Variants in CTNNA2 observed in about 807,000 individuals in gnomAD.
The protein encoded by CTNNA2 is catenin alpha 2.
In CTNNA2, 42 loss-of-function variants were observed where a neutral mutation model predicts 101.0. The observed-to-expected ratio is 0.42, with a 90% CI of 0.32 to 0.54. The LOEUF is 0.54. Ranked by LOEUF, CTNNA2 falls within the 20% of genes least tolerant of loss-of-function variation. The pLI is 0.14. For synonymous variants in CTNNA2, 450 were observed against 456.4 expected, an observed-to-expected ratio of 0.99 and a Z score of 0.18; for missense variants, 871 against 1,223.1, an observed-to-expected ratio of 0.71 and a Z score of 4.29.
chr2:80,537,010 A>T (rs1195369919), intron 9 of CTNNA2, among the ~76,000 whole-genome samples: 1 of 152,150 alleles, frequency 6.6e-6, no homozygotes, highest in Non-Finnish European at 1.5e-5. Context: ...GCACCCATCA[A>T]CCCATCATCT....
chr2:80,632,930 CAAAGAGA>C (rs1672452180), intron 18 of CTNNA2, among the ~76,000 whole-genome samples: 1 of 152,072 alleles, frequency 6.6e-6, no homozygotes, highest in Non-Finnish European at 1.5e-5. Context: ...AATAGAAACT[CAAAGAGA>C]TTACAGAGTG....
chr2:79,964,320 A>G (rs1296710049), intron 7 of CTNNA2, among the ~76,000 whole-genome samples: 2 of 152,172 alleles, frequency 1.3e-5, no homozygotes, highest in African/African-American at 4.8e-5. Context: ...GAGACAACCA[A>G]GGCTAATAGA....
intron 8 of CTNNA2, 35 bp downstream of exon 8, chr2:80,393,326 A>G: frequency 6.9e-7 from 1 of 1,450,512 alleles, no homozygotes; most frequent in Non-Finnish European, 9.6e-7. Flanking sequence ...AGTCCATGAT[A>G]TTCAGTAGTG....
intron 3 of CTNNA2, among the ~76,000 whole-genome samples, chr2:79,762,283 C>T (rs957700916): frequency 2.0e-5 from 3 of 152,136 alleles, no homozygotes; most frequent in African/African-American, 7.2e-5. Context: ...AGCTTCCAGT[C>T]TCAATTGACA....
At position 79,660,320 on chromosome 2, in the gene CTNNA2, T is replaced by G. The variant is rs143261251; in HGVS notation, c.102+8662T>G. ...ATATACATATGTATGTGTATATACA[T>G]ATGTATGTGTATGTATACTATACAT... is the stretch of plus-strand genomic sequence containing the variant. On this transcript the variant is annotated intron_variant, in intron 2 of 18. Coordinates refer to ENST00000402739, the MANE Select transcript of CTNNA2 (RefSeq NM_001282597.3). Among the ~76,000 whole-genome samples the G allele has an allele frequency of 4.7e-5, 7 of 150,534 alleles. No individual in the cohort carries two copies. In the East Asian group the frequency reaches 1.4e-3, roughly 29 times the overall value.
intron 9 of CTNNA2, among the ~76,000 whole-genome samples, chr2:80,420,044 A>C (rs918471451): frequency 1.4e-5 from 2 of 144,008 alleles, no homozygotes; most frequent in African/African-American, 5.6e-5. Context: ...GAAAAAAAAA[A>C]AAAAAAAAAA....
chr2:80,015,022 CAA>C (rs1437269034), intron 7 of CTNNA2, among the ~76,000 whole-genome samples: 1 of 152,088 alleles, frequency 6.6e-6, no homozygotes, highest in Non-Finnish European at 1.5e-5. Flanking sequence ...CAAACTGGAC[CAA>C]AAAGTTATTT....
intron 7 of CTNNA2, among the ~76,000 whole-genome samples, chr2:80,226,257 T>C (rs970409236): frequency 9.2e-5 from 14 of 152,212 alleles, no homozygotes; most frequent in African/African-American, 3.4e-4. Flanking sequence ...CTATGTTCAA[T>C]TAGACGAATA....
intron 1 of CTNNA2, among the ~76,000 whole-genome samples, chr2:79,572,688 G>T (rs776750252): frequency 6.6e-6 from 1 of 152,172 alleles, no homozygotes; most frequent in Non-Finnish European, 1.5e-5. Context: ...AGAGGTGGAG[G>T]TTGCAGTGAA....
chr2:79,637,921 G>A (rs1325977645), intron 1 of CTNNA2, among the ~76,000 whole-genome samples: 1 of 152,166 alleles, frequency 6.6e-6, no homozygotes. Flanking sequence ...ACAGCAGTGT[G>A]AATGTAGCAT....
intron 9 of CTNNA2, among the ~76,000 whole-genome samples, chr2:80,497,913 T>C (rs1687592481): frequency 6.6e-6 from 1 of 152,154 alleles, no homozygotes; most frequent in South Asian, 2.1e-4. Flanking sequence ...GATCAGACCA[T>C]GGCTGACACC....
chr2:79,701,829 C>T (rs1480700145), intron 2 of CTNNA2, among the ~76,000 whole-genome samples: 1 of 151,946 alleles, frequency 6.6e-6, no homozygotes, highest in Non-Finnish European at 1.5e-5. Flanking sequence ...TGGTGAAACC[C>T]TGTCTCTACT....
At chr2:79,779,772 C>T (rs1048115193) in intron 3 of CTNNA2, among the ~76,000 whole-genome samples, 2 of 152,096 alleles carry the variant, frequency 1.3e-5, no homozygotes, top group African/African-American at 4.8e-5. Context: ...AAAGTTCACC[C>T]TTACCTGATG....
chr2:80,488,595 A>G (rs1346701086), intron 9 of CTNNA2, among the ~76,000 whole-genome samples: 3 of 152,234 alleles, frequency 2.0e-5, no homozygotes. Flanking sequence ...AACAAAATGA[A>G]CAGGAGCCTG....
rs1558783282 is a variant in CTNNA2 at position 80,075,596 on chromosome 2, ATAAATAT to A, written c.1056+165801_1056+165807del. On this transcript the variant is annotated intron_variant, in intron 7 of 18. Coordinates refer to ENST00000402739, the MANE Select transcript of CTNNA2 (RefSeq NM_001282597.3). ...AAATAATATTTATACATGTATAAAT[ATAAATAT>A]TTATACATGTATAAATATAAATATT... Among the ~76,000 whole-genome samples, 149 of 87,244 alleles carry A rather than the reference ATAAATAT, an allele frequency of 1.7e-3. 18 individuals are homozygous for A. Among genetic ancestry groups the A allele is most frequent in the African/African-American group, 5.5e-3 (133 of 24,108 alleles). 57.2% of individuals were successfully genotyped at this position (87,244 alleles called of 152,430 possible).
chr2:80,049,343 C>T (rs556379764), intron 7 of CTNNA2, among the ~76,000 whole-genome samples: 1 of 152,206 alleles, frequency 6.6e-6, no homozygotes, highest in African/African-American at 2.4e-5. Context: ...TGAAAGACGG[C>T]AGAACAACAG....
chr2:80,026,968 G>A (rs1694968547), intron 7 of CTNNA2, among the ~76,000 whole-genome samples: 1 of 152,198 alleles, frequency 6.6e-6, no homozygotes, highest in Non-Finnish European at 1.5e-5. Flanking sequence ...TACTCAGTCA[G>A]CATTTACATT....
In CTNNA2 at chr2:79,486,859, C is replaced by T. The variant is rs536214444; in HGVS notation, c.-134-18195C>T. ...AAGCTGAAAACTCAGGCAAGACTAA[C>T]TTTCGTATTGCTGGTATAATTTAAA... On this transcript the variant is annotated intron_variant, in intron 4 of 21. Transcript: ENST00000466387. Among the ~76,000 whole-genome samples, 8 of 152,302 alleles carry T rather than the reference C, an allele frequency of 5.3e-5. No homozygotes were observed. In the South Asian group the frequency reaches 1.4e-3, roughly 28 times the overall value.
intron 3 of CTNNA2, among the ~76,000 whole-genome samples, chr2:79,364,743 C>T (rs1677707054): frequency 6.6e-6 from 1 of 152,128 alleles, no homozygotes; most frequent in Admixed American, 6.5e-5. Context: ...ATCAACTGTA[C>T]TTTTATGTCA....
Sources: gnomAD v4.1 joint callset for allele counts (sites outside exome capture counted in the v4.1 genomes callset) on GRCh38, gnomAD v4.1.1 for gene constraint, MANE v1.5 for transcripts, NCBI Gene and HGNC (gene_info 2026-07-23, HGNC 2026-07-21) for gene names.